The following MIPOL1 variants were observed in gnomAD, a reference collection of about 807,000 sequenced individuals.
The protein encoded by MIPOL1 is mirror-image polydactyly 1, also known as mirror-image polydactyly gene 1 protein.
MIPOL1 carries 57 observed loss-of-function variants against 60.9 expected under a neutral mutation model. The observed-to-expected ratio is 0.94, with a 90% CI of 0.76 to 1.17. The LOEUF is 1.17. MIPOL1 is among the 50% of genes most tolerant of loss of function. The pLI is 0.00. For missense variants in MIPOL1, 551 were observed against 511.6 expected, an observed-to-expected ratio of 1.08 and a Z score of -0.74; for synonymous variants, 179 against 168.8, an observed-to-expected ratio of 1.06 and a Z score of -0.47.
intron 3 of MIPOL1, among the ~76,000 whole-genome samples, chr14:37,259,595 C>CTGTTTTCTTA (rs2082374190): frequency 6.6e-6 from 1 of 151,766 alleles, no homozygotes; most frequent in Non-Finnish European, 1.5e-5. Flanking sequence ...CATAAGAAAT[C>CTGTTTTCTTA]ACTGTCTGTG....
intron 10 of MIPOL1, among the ~76,000 whole-genome samples, chr14:37,415,492 G>A (rs1370743742): frequency 6.6e-6 from 1 of 151,910 alleles, no homozygotes; most frequent in African/African-American, 2.4e-5. Context: ...AGCCAGGCGT[G>A]GTGGCGGGCG....
At chr14:37,533,535 C>T (rs2095491590) in intron 12 of MIPOL1, among the ~76,000 whole-genome samples, 1 of 152,134 alleles carries the variant, frequency 6.6e-6, no homozygotes, top group Non-Finnish European at 1.5e-5. Context: ...AATCAAGATA[C>T]TCTATAAGCC....
chr14:37,423,598 G>T (rs1208222123), intron 11 of MIPOL1: 1 of 151,920 alleles, frequency 6.6e-6, no homozygotes, highest in Non-Finnish European at 1.5e-5. Context: ...GTGGATCATG[G>T]TAGAAAACAT....
chr14:37,339,611 A>G (rs569779901), intron 9 of MIPOL1, among the ~76,000 whole-genome samples: 2 of 152,328 alleles, frequency 1.3e-5, no homozygotes, highest in African/African-American at 4.8e-5. Flanking sequence ...ATAAAATGGA[A>G]TACTATTTAG....
At chr14:37,208,176 T>C (rs1966397083) in intron 1 of MIPOL1, among the ~76,000 whole-genome samples, 1 of 152,198 alleles carries the variant, frequency 6.6e-6, no homozygotes. Flanking sequence ...AATTTGCAGT[T>C]CTGTGTTAGG....
intron 9 of MIPOL1, among the ~76,000 whole-genome samples, chr14:37,351,866 T>C (rs1025327505): frequency 6.6e-6 from 1 of 151,196 alleles, no homozygotes; most frequent in African/African-American, 2.4e-5. Flanking sequence ...GGTTGCCTGT[T>C]CACTCTGATG....
chr14:37,518,428 G>A (rs1243518882), intron 12 of MIPOL1, among the ~76,000 whole-genome samples: 2 of 152,182 alleles, frequency 1.3e-5, no homozygotes, highest in East Asian at 3.9e-4. Context: ...TCCGCCTCCC[G>A]GGTTCAAGTG....
chr14:37,257,799 G>A (rs147460642), intron 3 of MIPOL1, among the ~76,000 whole-genome samples: 1 of 152,218 alleles, frequency 6.6e-6, no homozygotes, highest in African/African-American at 2.4e-5. Context: ...ATGACAAAGG[G>A]TTATATAGCA....
At chr14:37,302,120 A>G (rs2086320196) in intron 7 of MIPOL1, among the ~76,000 whole-genome samples, 1 of 147,466 alleles carries the variant, frequency 6.8e-6, no homozygotes, top group African/African-American at 2.5e-5. Flanking sequence ...TAAACCCAGT[A>G]GCAATACTGC....
intron 10 of MIPOL1, among the ~76,000 whole-genome samples, chr14:37,386,879 A>G (rs2093084018): frequency 6.6e-6 from 1 of 151,998 alleles, no homozygotes; most frequent in African/African-American, 2.4e-5. Context: ...ATGGCTACAC[A>G]TATATCTGTG....
At chr14:37,225,794 CAT>C (rs1263347381) in intron 1 of MIPOL1, among the ~76,000 whole-genome samples, 1 of 152,134 alleles carries the variant, frequency 6.6e-6, no homozygotes, top group Non-Finnish European at 1.5e-5. Context: ...TCTTTTCTAT[CAT>C]GTGGTCAGGC....
chr14:37,293,458 G>T (rs1210236200), intron 7 of MIPOL1, among the ~76,000 whole-genome samples: 6 of 152,056 alleles, frequency 3.9e-5, no homozygotes, highest in African/African-American at 7.2e-5. Context: ...CCAGACAGTG[G>T]GTGCAGGACA....
At chr14:37,334,151 TAC>T (rs1343866836) in intron 9 of MIPOL1, among the ~76,000 whole-genome samples, 1 of 152,090 alleles carries the variant, frequency 6.6e-6, no homozygotes, top group African/African-American at 2.4e-5. Flanking sequence ...TTCATGCTAA[TAC>T]ATTTAGTAAC....
chr14:37,316,490 A>G (rs181811465), intron 9 of MIPOL1, among the ~76,000 whole-genome samples: 80 of 152,150 alleles, frequency 5.3e-4, no homozygotes, highest in Non-Finnish European at 8.8e-4. Context: ...GAAAATGGAA[A>G]TAGAGGAAGT....
chr14:37,338,478 G>A (rs986585338), intron 9 of MIPOL1, among the ~76,000 whole-genome samples: 20 of 150,046 alleles, frequency 1.3e-4, no homozygotes, highest in African/African-American at 3.4e-4. Context: ...GTGTGATCTC[G>A]GCTCACTGCA....
intron 10 of MIPOL1, among the ~76,000 whole-genome samples, chr14:37,379,817 A>G (rs2092878796): frequency 6.6e-6 from 1 of 152,108 alleles, no homozygotes; most frequent in South Asian, 2.1e-4. Context: ...AGGTTAGTGT[A>G]TAATGTGTAT....
At chr14:37,245,692 G>C (rs1973091448) in intron 1 of MIPOL1, among the ~76,000 whole-genome samples, 1 of 152,056 alleles carries the variant, frequency 6.6e-6, no homozygotes, top group Non-Finnish European at 1.5e-5. Flanking sequence ...TGCATTTTTT[G>C]AAGAAGTAAA....
At chr14:37,523,155 T>C (rs1358333435) in intron 12 of MIPOL1, among the ~76,000 whole-genome samples, 1 of 152,178 alleles carries the variant, frequency 6.6e-6, no homozygotes, top group Non-Finnish European at 1.5e-5. Flanking sequence ...TGAACAAGTT[T>C]CATTACTCAT....
chr14:37,513,000 C>A (rs2095340690), intron 12 of MIPOL1, among the ~76,000 whole-genome samples: 1 of 152,020 alleles, frequency 6.6e-6, no homozygotes, highest in African/African-American at 2.4e-5. Flanking sequence ...AACAAATGCC[C>A]TCCCTAATTA....
Sources: allele counts gnomAD v4.1 joint callset (sites outside exome capture counted in the v4.1 genomes callset), GRCh38; gene constraint gnomAD v4.1.1; transcripts MANE v1.5; gene names NCBI Gene and HGNC (gene_info 2026-07-23, HGNC 2026-07-21).